Variants in FAM83B observed in about 807,000 individuals in gnomAD.
The protein encoded by FAM83B is scaffolding CK1 anchoring protein B, also known as protein FAM83B.
A neutral mutation model predicts 38.8 loss-of-function variants in FAM83B; 26 were observed. The observed-to-expected ratio is 0.67, with a 90% CI of 0.49 to 0.93. The LOEUF is 0.93. Ranked by LOEUF, FAM83B falls within the 40% of genes least tolerant of loss-of-function variation. The probability of loss-of-function intolerance (pLI) is 0.00; values close to 1 mark genes in which losing one functional copy is unlikely to be tolerated. For synonymous variants in FAM83B, 419 were observed against 423.1 expected, an observed-to-expected ratio of 0.99 and a Z score of 0.12; for missense variants, 1,237 against 1,197.3, an observed-to-expected ratio of 1.03 and a Z score of -0.49.
At chr6:54,878,635 T>A (rs1344639979) in intron 2 of FAM83B, among the ~76,000 whole-genome samples, 3 of 152,088 alleles carry the variant, frequency 2.0e-5, no homozygotes, top group Non-Finnish European at 2.9e-5. Context: ...AAAGAGGAGA[T>A]GAGTAGAAGA....
chr6:54,913,792 T>C (rs1772971070), intron 2 of FAM83B, among the ~76,000 whole-genome samples: 1 of 152,074 alleles, frequency 6.6e-6, no homozygotes, highest in Non-Finnish European at 1.5e-5. Flanking sequence ...TTGTGGTCAA[T>C]TTTGCTTCCT....
At chr6:54,873,558 C>T (rs1336807969) in intron 2 of FAM83B, among the ~76,000 whole-genome samples, 1 of 151,846 alleles carries the variant, frequency 6.6e-6, no homozygotes, top group African/African-American at 2.4e-5. Flanking sequence ...TCAGGATAAG[C>T]TTTCTGTTTT....
chr6:54,870,802 C>A, intron 2 of FAM83B, 112 bp downstream of exon 2: 1 of 1,063,768 alleles, frequency 9.4e-7, no homozygotes, highest in East Asian at 2.6e-5. Context: ...ATAGGCCATG[C>A]CTATTGTTTT....
intron 2 of FAM83B, among the ~76,000 whole-genome samples, chr6:54,916,050 A>G (rs1290506305): frequency 6.6e-6 from 1 of 152,094 alleles, no homozygotes; most frequent in African/African-American, 2.4e-5. Flanking sequence ...TCTCTTTCTT[A>G]GTAGAATTCC....
chr6:54,920,703 C>T (rs1237953971), intron 2 of FAM83B, among the ~76,000 whole-genome samples: 1 of 151,876 alleles, frequency 6.6e-6, no homozygotes, highest in African/African-American at 2.4e-5. Context: ...TTTCTTATCA[C>T]TGGTTTCTAC....
intron 2 of FAM83B, among the ~76,000 whole-genome samples, chr6:54,901,724 AG>A (rs1488617185): frequency 6.6e-6 from 1 of 152,222 alleles, no homozygotes; most frequent in African/African-American, 2.4e-5. Flanking sequence ...AGGAAAATTT[AG>A]TATTTTACAT....
intron 2 of FAM83B, among the ~76,000 whole-genome samples, chr6:54,894,310 A>G (rs1371340884): frequency 2.0e-5 from 3 of 152,038 alleles, no homozygotes; most frequent in Non-Finnish European, 4.4e-5. Context: ...AAGTCCTAGG[A>G]ACTTTTTTTT....
At chr6:54,893,705 G>A (rs1772455914) in intron 2 of FAM83B, among the ~76,000 whole-genome samples, 1 of 152,130 alleles carries the variant, frequency 6.6e-6, no homozygotes, top group East Asian at 1.9e-4. Context: ...ATCTATATGT[G>A]TATAGTTAAG....
At chr6:54,859,084 G>T (rs762187969) in intron 1 of FAM83B, among the ~76,000 whole-genome samples, 1 of 146,736 alleles carries the variant, frequency 6.8e-6, no homozygotes, top group Non-Finnish European at 1.5e-5. Flanking sequence ...GCACTGAGAC[G>T]GAGTCTCACT....
chr6:54,884,257 G>A lies in FAM83B; in HGVS notation c.444+13567G>A, dbSNP rs1258810036. On this transcript the variant is annotated intron_variant, in intron 2 of 4. Coordinates refer to ENST00000306858, the MANE Select transcript of FAM83B (RefSeq NM_001010872.3). ...GCGGAGGTTGCAGTGAGCTGAGATC[G>A]CGCCACTGCACTCCAGCCTGGTGAC... Among the ~76,000 whole-genome samples the A allele has an allele frequency of 1.9e-4, 27 of 138,634 alleles. No homozygotes were observed. The East Asian group carries it at 2.4e-3, about 13-fold the overall frequency. 90.9% of individuals were successfully genotyped at this position (138,634 alleles called of 152,430 possible). A position where few individuals can be genotyped will look rare whatever the true frequency, so the allele number is the denominator to read the frequency against.
At chr6:54,918,103 T>G (rs1337187600) in intron 2 of FAM83B, among the ~76,000 whole-genome samples, 1 of 152,220 alleles carries the variant, frequency 6.6e-6, no homozygotes, top group Non-Finnish European at 1.5e-5. Flanking sequence ...ATATAAATAT[T>G]GTATTTTGAT....
intron 2 of FAM83B, among the ~76,000 whole-genome samples, chr6:54,878,166 A>G (rs1475888764): frequency 6.6e-6 from 1 of 152,202 alleles, no homozygotes; most frequent in Non-Finnish European, 1.5e-5. Context: ...GGGTTCAGCT[A>G]TGAGGGAAAT....
intron 2 of FAM83B, among the ~76,000 whole-genome samples, chr6:54,908,686 A>G (rs1431306539): frequency 6.6e-6 from 1 of 152,172 alleles, no homozygotes; most frequent in Non-Finnish European, 1.5e-5. Context: ...TGGCAGTAAC[A>G]TGGAAATTGC....
intron 2 of FAM83B, among the ~76,000 whole-genome samples, chr6:54,911,093 G>T (rs1298113213): frequency 6.6e-6 from 1 of 151,718 alleles, no homozygotes; most frequent in South Asian, 2.1e-4. Flanking sequence ...TTTCTCCTGG[G>T]GGGTACAGAG....
chr6:54,902,425 A>T (rs893731877), intron 2 of FAM83B, among the ~76,000 whole-genome samples: 1 of 152,066 alleles, frequency 6.6e-6, no homozygotes, highest in Non-Finnish European at 1.5e-5. Flanking sequence ...TAGGTCCAAT[A>T]TCTACTATAT....
chr6:54,919,039 G>A (rs1773109491), intron 2 of FAM83B, among the ~76,000 whole-genome samples: 2 of 152,034 alleles, frequency 1.3e-5, no homozygotes, highest in South Asian at 4.1e-4. Flanking sequence ...GCCCATGCGT[G>A]GGACACTTAC....
intron 2 of FAM83B, among the ~76,000 whole-genome samples, chr6:54,882,467 A>G (rs1026629409): frequency 6.6e-6 from 1 of 152,198 alleles, no homozygotes; most frequent in African/African-American, 2.4e-5. Flanking sequence ...GTAGAAAATG[A>G]CAGGTCTGGT....
At chr6:54,937,665 G>T (rs887585943) in intron 4 of FAM83B, among the ~76,000 whole-genome samples, 1 of 152,128 alleles carries the variant, frequency 6.6e-6, no homozygotes, top group Non-Finnish European at 1.5e-5. Flanking sequence ...CTATTATGCT[G>T]TCCGTATCCT....
chr6:54,930,723 C>T (rs1007799744), intron 4 of FAM83B, among the ~76,000 whole-genome samples: 1 of 151,918 alleles, frequency 6.6e-6, no homozygotes, highest in African/African-American at 2.4e-5. Flanking sequence ...TTCAGAATTT[C>T]CCTTTTTTCC....
Sources: allele counts gnomAD v4.1 joint callset (sites outside exome capture counted in the v4.1 genomes callset), GRCh38; gene constraint gnomAD v4.1.1; transcripts MANE v1.5; gene names NCBI Gene and HGNC (gene_info 2026-07-23, HGNC 2026-07-21).